The following HNRNPUL2 variants were observed in gnomAD, a reference collection of about 807,000 sequenced individuals.
HNRNPUL2 encodes the protein heterogeneous nuclear ribonucleoprotein U like 2.
HNRNPUL2 carries 27 observed loss-of-function variants against 102.2 expected under a neutral mutation model. The ratio of observed to expected loss-of-function variants is 0.26; its 90% CI spans 0.19 to 0.36. The LOEUF is 0.36. Ranked by LOEUF, HNRNPUL2 falls within the 10% of genes least tolerant of loss-of-function variation. The pLI, the probability that HNRNPUL2 is intolerant of heterozygous loss-of-function variation, is 1.00. For synonymous variants in HNRNPUL2, 458 were observed against 387.2 expected, an observed-to-expected ratio of 1.18 and a Z score of -2.15; for missense variants, 936 against 981.1, an observed-to-expected ratio of 0.95 and a Z score of 0.61.
chr11:62,720,232 A>T, intron 9 of HNRNPUL2, 41 bp from the exon 10 acceptor site: 1 of 1,588,510 alleles, frequency 6.3e-7, no homozygotes, highest in Admixed American at 1.7e-5. Flanking sequence ...GAAGAAAATT[A>T]TCACTCAGAT....
rs780417434 is a variant in HNRNPUL2 at position 62,722,667 on chromosome 11, T to G, written c.1029A>C (p.Ala343=). The G allele has an allele frequency of 6.2e-7, 1 of 1,614,226 alleles. No homozygotes were observed. Among genetic ancestry groups the G allele is most frequent in the Non-Finnish European group, 8.5e-7 (1 of 1,180,032 alleles). Residue 343 remains alanine, a synonymous_variant, in exon 6 of 14, where the codon GCA becomes GCC. Transcript: ENST00000301785. Reference sequence around the variant, plus strand: ...CAAATTCCTCAAATTGTCCATTTTCTGCCTTGAGTCCTCGTCCATCGAAAC... The same window carrying G: ...CAAATTCCTCAAATTGTCCATTTTCGGCCTTGAGTCCTCGTCCATCGAAAC... The part of the protein sequence containing the change: ...SYGFDGRGLK[A]ENGQFEEFGQ...
chr11:62,716,573 AT>A (rs1239944294), intron 11 of HNRNPUL2, among the ~76,000 whole-genome samples: 1 of 152,224 alleles, frequency 6.6e-6, no homozygotes, highest in Non-Finnish European at 1.5e-5. Context: ...TGAATAAAGC[AT>A]TCGCTTTCTT....
rs745475234 is a variant in HNRNPUL2, at chr11:62,726,988, AGGCCCCGCCGGGCCC to A, written c.154_168del (p.Gly52_Ala56del). On this transcript the variant is annotated inframe_deletion, in exon 1 of 14. Coordinates refer to ENST00000301785, the MANE Select transcript of HNRNPUL2 (RefSeq NM_001079559.3). ...GCCACAGGCCGAGGCTCCGCCTTGC[AGGCCCCGCCGGGCCC>A]GGCCCCGCCGCCGCCGGCCTCGTCC... 422 of 1,358,538 alleles carry A rather than the reference AGGCCCCGCCGGGCCC, an allele frequency of 3.1e-4. 2 individuals carry two copies. Among genetic ancestry groups the A allele is most frequent in the South Asian group, 5.9e-4 (35 of 59,410 alleles). The allele number at this position is 1,358,538 out of a possible 1,614,324, so 84.2% of individuals were successfully genotyped here.
chr11:62,724,538 A>T, intron 1 of HNRNPUL2, 112 bp from the exon 2 acceptor site: 1 of 1,156,090 alleles, frequency 8.6e-7, no homozygotes, highest in Non-Finnish European at 1.3e-6. Context: ...CAAAACAGCC[A>T]GGTTATTCCC....
intron 10 of HNRNPUL2, among the ~76,000 whole-genome samples, chr11:62,719,393 G>A (rs1463847009): frequency 6.6e-6 from 1 of 152,196 alleles, no homozygotes; most frequent in Non-Finnish European, 1.5e-5. Context: ...GGACGTTGCA[G>A]TGAGCTGAGA....
Position 62,721,405 on chromosome 11 carries a change from G to C in HNRNPUL2, c.1501C>G (p.Pro501Ala). The change falls in exon 9 of 14, where the codon CCA (proline) becomes GCA (alanine). Residue 501 changes from proline to alanine, a missense_variant. Coordinates refer to ENST00000301785, the MANE Select transcript of HNRNPUL2 (RefSeq NM_001079559.3). ...TCTCGGCTTTTGGGGTCCATCTCTG[G>C]CTCCTCGAGACCCTTCATCTGATTA... Reference protein sequence around the residue: ...NQMRMKGLEEPEMDPKSRDLL... With the variant: ...NQMRMKGLEEAEMDPKSRDLL... 6.2e-7 allele frequency: 1 copy of C among 1,600,448 alleles called. No individual in the cohort carries two copies. The highest frequency in any genetic ancestry group is 8.5e-7 in the Non-Finnish European group (1 of 1,175,656).
In HNRNPUL2 at chr11:62,714,341, G is replaced by A. The variant is rs1435432534; in HGVS notation, c.*958C>T. The A allele has an allele frequency of 2.6e-5, 4 of 152,176 alleles. No homozygotes were observed. The highest frequency in any genetic ancestry group is 2.6e-4 in the Admixed American group (4 of 15,262). The allele number at this position is 152,176 out of a possible 1,614,324, so 9.4% of individuals were successfully genotyped here. ...ATCCTGCTGTGTTTTCGTGTGAGCT[G>A]AAACCCTGAGAAACGTTCCTTCTCT... On this transcript the variant is annotated 3_prime_UTR_variant, in exon 14 of 14. Transcript: ENST00000301785.
At chr11:62,715,986 G>C in intron 11 of HNRNPUL2, 49 bp from the exon 12 acceptor site, 1 of 1,439,116 alleles carries the variant, frequency 6.9e-7, no homozygotes, top group Middle Eastern at 1.9e-4. Flanking sequence ...TGGGGTCCTG[G>C]CTCCACATCT....
rs762680520 is a variant in HNRNPUL2, at chr11:62,720,143, T to A, written c.1660A>T (p.Thr554Ser). ...GQRRKLLLFK[T>S]FSRKVVVVVP... The stretch of plus-strand genomic sequence containing the variant: ...ACCACCACCACTTTCCGAGAGAAGG[T>A]CTTGAACAGCAATAGCTTCCGCCGT... Residue 554 changes from threonine (T) to serine (S), a missense_variant, in exon 10 of 14, where the codon ACC (threonine) becomes TCC (serine). By Grantham distance (58) the Thr-to-Ser change is moderately conservative. Around this residue, in one of 2 missense-constraint regions of HNRNPUL2, gnomAD observed 609 missense variants for 713.0 expected, o/e 0.85. Transcript: ENST00000301785. 2.5e-6 allele frequency: 4 copies of A among 1,614,068 alleles called. No homozygotes were observed. Among genetic ancestry groups the A allele is most frequent in the Non-Finnish European group, 2.5e-6 (3 of 1,179,952 alleles).
intron 10 of HNRNPUL2, among the ~76,000 whole-genome samples, chr11:62,718,473 G>A (rs1409059070): frequency 6.6e-6 from 1 of 152,008 alleles, no homozygotes; most frequent in Non-Finnish European, 1.5e-5. Flanking sequence ...GGCCGAGGCG[G>A]GCAGATCACC....
In HNRNPUL2 at chr11:62,722,227, T is replaced by C. The variant is rs2083708497; in HGVS notation, c.1249A>G (p.Lys417Glu). Reference protein sequence around the residue: ...NCVVELNFGQKEEPFFPPPEE... With the variant: ...NCVVELNFGQEEEPFFPPPEE... ...GGTGGTGGGAAGAAGGGCTCCTCCT[T>C]CTGACCGAAGTTTAATTCTACAACA... is the stretch of plus-strand genomic sequence containing the variant. The change falls in exon 7 of 14, where the codon AAG (lysine) becomes GAG (glutamate). Residue 417 changes from lysine (K) to glutamate (E), a missense_variant. This residue lies in a region of HNRNPUL2 where 609 missense variants were observed against 713.0 expected (regional missense o/e 0.85). Coordinates refer to ENST00000301785, the MANE Select transcript of HNRNPUL2 (RefSeq NM_001079559.3). 3.1e-6 allele frequency: 5 copies of C among 1,614,166 alleles called. No homozygotes were observed. The highest frequency in any genetic ancestry group is 4.2e-6 in the Non-Finnish European group (5 of 1,180,032).
In HNRNPUL2 at chr11:62,722,212, A is replaced by G; in HGVS notation, c.1264T>C (p.Phe422Leu). The G allele has an allele frequency of 6.2e-7, 1 of 1,614,202 alleles. No homozygotes were observed. The highest frequency in any genetic ancestry group is 2.2e-5 in the East Asian group (1 of 44,888). ...AACACAAACTCTTCTGGTGGTGGGA[A>G]GAAGGGCTCCTCCTTCTGACCGAAG... Reference protein sequence around the residue: ...LNFGQKEEPFFPPPEEFVFIH... With the variant: ...LNFGQKEEPFLPPPEEFVFIH... Residue 422 changes from phenylalanine (F) to leucine (L), a missense_variant, in exon 7 of 14, where the codon TTC becomes CTC. Transcript: ENST00000301785.
chr11:62,716,090 C>T (rs956097891), intron 11 of HNRNPUL2, among the ~76,000 whole-genome samples, 153 bp from the exon 12 acceptor site: 4 of 152,168 alleles, frequency 2.6e-5, no homozygotes, highest in African/African-American at 9.7e-5. Context: ...AAGCACCAGC[C>T]AGGAACTTTT....
chr11:62,715,999 G>A lies in HNRNPUL2; in HGVS notation c.1982-62C>T. ...CATGGGGTCCTGGCTCCACATCTGGGTGGAAATCAAAAACTTGGAGCCAAA... is the reference window on the plus strand; with the variant it reads ...CATGGGGTCCTGGCTCCACATCTGGATGGAAATCAAAAACTTGGAGCCAAA... On this transcript the variant is annotated intron_variant, in intron 11 of 13. Transcript: ENST00000301785. The A allele has an allele frequency of 8.1e-6, 11 of 1,364,756 alleles. No homozygotes were observed. The Admixed American group carries it at 2.4e-4, about 30-fold the overall frequency. 84.5% of individuals were successfully genotyped at this position (1,364,756 alleles called of 1,614,324 possible). A position where few individuals can be genotyped will look rare whatever the true frequency, so the allele number is the denominator to read the frequency against.
At chr11:62,721,219 G>T in intron 9 of HNRNPUL2, 76 bp downstream of exon 9, 1 of 1,358,942 alleles carries the variant, frequency 7.4e-7, no homozygotes, top group Non-Finnish European at 1.0e-6. Context: ...TAGGTAAGCT[G>T]ACTCTGCTCC....
At position 62,722,313 on chromosome 11, in the gene HNRNPUL2, C is replaced by G. The variant is rs1433632237; in HGVS notation, c.1163G>C (p.Trp388Ser). The part of the protein sequence containing the change: ...KNGEDLGVAF[W>S]ISKDSLADRA... ...GTCTGCCAGGGAATCCTTGCTGATC[C>G]AGAATGCCACACCTAGGTCTTCTCC... Residue 388 changes from tryptophan (W) to serine (S), a missense_variant, in exon 7 of 14, where the codon TGG becomes TCG. Physicochemically the swap from Trp to Ser is radical, Grantham distance 177. Around this residue, in one of 2 missense-constraint regions of HNRNPUL2, gnomAD observed 609 missense variants for 713.0 expected, o/e 0.85. Coordinates refer to ENST00000301785, the MANE Select transcript of HNRNPUL2 (RefSeq NM_001079559.3). The G allele has an allele frequency of 1.9e-6, 3 of 1,613,986 alleles. No homozygotes were observed. Among genetic ancestry groups the G allele is most frequent in the Non-Finnish European group, 1.7e-6 (2 of 1,179,886 alleles).
Position 62,726,701 on chromosome 11 carries a change from C to A in HNRNPUL2, c.456G>T (p.Arg152Ser). Reference sequence around the variant, plus strand: ...TCCGCTCCTCGGGTTCGTCTTCCTCCCTCTTGCCGAGGCCCTGCTCTTCGC... The same window carrying A: ...TCCGCTCCTCGGGTTCGTCTTCCTCACTCTTGCCGAGGCCCTGCTCTTCGC... The part of the protein sequence containing the change: ...NGGEEQGLGK[R>S]EEDEPEERSG... Residue 152 changes from arginine to serine, a missense_variant, in exon 1 of 14, where the codon AGG (arginine) becomes AGT (serine). This residue lies in a region of HNRNPUL2 where 327 missense variants were observed against 268.1 expected (regional missense o/e 1.22). Coordinates refer to ENST00000301785, the MANE Select transcript of HNRNPUL2 (RefSeq NM_001079559.3). 2 of 1,600,382 alleles carry A rather than the reference C, an allele frequency of 1.2e-6. No homozygotes were observed. The highest frequency in any genetic ancestry group is 1.1e-5 in the South Asian group (1 of 90,988).
chr11:62,727,066 G>T lies in HNRNPUL2; in HGVS notation c.91C>A (p.Gln31Lys). ...DSRGLKVDLAQRLQEALDAEM... is the reference protein window; with the variant it reads ...DSRGLKVDLAKRLQEALDAEM... ...GCGTCCAGCGCCTCCTGCAGCCGCT[G>T]CGCCAGATCCACCTTGAGGCCGCGC... The change falls in exon 1 of 14, where the codon CAG becomes AAG. Residue 31 changes from glutamine (Q) to lysine (K), a missense_variant. Physicochemically the swap from Gln to Lys is moderately conservative, Grantham distance 53. Coordinates refer to ENST00000301785, the MANE Select transcript of HNRNPUL2 (RefSeq NM_001079559.3). 1 of 1,431,354 alleles carries T rather than the reference G, an allele frequency of 7.0e-7. No individual in the cohort carries two copies. Among genetic ancestry groups the T allele is most frequent in the Non-Finnish European group, 9.2e-7 (1 of 1,092,298 alleles). 88.7% of individuals were successfully genotyped at this position (1,431,354 alleles called of 1,614,324 possible). A position where few individuals can be genotyped will look rare whatever the true frequency, so the allele number is the denominator to read the frequency against.
chr11:62,727,148 C>A lies in HNRNPUL2; in HGVS notation c.9G>T (p.Val3=). The stretch of plus-strand genomic sequence containing the variant: ...GCAGCTCGGTCACTTTCAGCCGCTT[C>A]ACCTCCATCGCCGCCGCCGCCTCCT... ME[V]KRLKVTELRS... Residue 3 remains valine, a synonymous_variant, in exon 1 of 14, where the codon GTG becomes GTT. Transcript: ENST00000301785. 1 of 1,440,486 alleles carries A rather than the reference C, an allele frequency of 6.9e-7. No homozygotes were observed. Among genetic ancestry groups the A allele is most frequent in the Non-Finnish European group, 9.1e-7 (1 of 1,098,822 alleles). 89.2% of individuals were successfully genotyped at this position (1,440,486 alleles called of 1,614,324 possible).
Sources: gnomAD v4.1 joint callset for allele counts (sites outside exome capture counted in the v4.1 genomes callset) on GRCh38, gnomAD v4.1.1 for gene constraint, gnomAD v4.1.1 regional missense constraint, MANE v1.5 for transcripts, NCBI Gene and HGNC (gene_info 2026-07-23, HGNC 2026-07-21) for gene names.